The following ADAMTSL1 variants were observed in gnomAD, a reference collection of about 807,000 sequenced individuals.
The protein encoded by ADAMTSL1 is ADAMTS like 1, also known as ADAMTS-like protein 1.
In ADAMTSL1, 126 loss-of-function variants were observed where a neutral mutation model predicts 201.8. That is an observed-to-expected ratio of 0.62 (90% CI 0.54 to 0.72). The LOEUF (loss-of-function observed/expected upper bound fraction) is 0.72. Among genes scored for constraint, ADAMTSL1 ranks in the 30% least tolerant of loss-of-function variants. The pLI, the probability that ADAMTSL1 is intolerant of heterozygous loss-of-function variation, is 0.00. For missense variants in ADAMTSL1, 2,679 were observed against 2,277.8 expected, an observed-to-expected ratio of 1.18 and a Z score of -3.59; for synonymous variants, 1,121 against 903.4, an observed-to-expected ratio of 1.24 and a Z score of -4.32.
At chr9:17,973,623 C>G (rs199631007) in intron 1 of ADAMTSL1, among the ~76,000 whole-genome samples, 45,353 of 66,942 alleles carry the variant, frequency 0.68, 16,696 homozygotes, top group East Asian at 0.87. Flanking sequence ...TGTTCTTTTG[C>G]CTTAGGATTG....
intron 1 of ADAMTSL1, among the ~76,000 whole-genome samples, chr9:17,953,732 G>C (rs1215802892): frequency 6.6e-6 from 1 of 152,156 alleles, no homozygotes. Flanking sequence ...CATGGAAAAA[G>C]TCTGAAAGGT....
intron 1 of ADAMTSL1, among the ~76,000 whole-genome samples, chr9:17,955,033 T>G (rs1018503214): frequency 6.6e-6 from 1 of 152,120 alleles, no homozygotes; most frequent in Non-Finnish European, 1.5e-5. Context: ...TTAAAAATAA[T>G]GAAGAATGAG....
chr9:18,053,219 G>A (rs1435886129), intron 1 of ADAMTSL1, among the ~76,000 whole-genome samples: 1 of 152,096 alleles, frequency 6.6e-6, no homozygotes, highest in Non-Finnish European at 1.5e-5. Context: ...GACACTTGGG[G>A]TTAGCACTGC....
At chr9:18,097,229 T>C (rs983276718) in intron 1 of ADAMTSL1, among the ~76,000 whole-genome samples, 2 of 152,224 alleles carry the variant, frequency 1.3e-5, no homozygotes, top group Non-Finnish European at 2.9e-5. Flanking sequence ...AGGATAACAT[T>C]TTTGAATGTT....
At chr9:18,244,120 T>C (rs1442653158) in intron 2 of ADAMTSL1, among the ~76,000 whole-genome samples, 4 of 151,950 alleles carry the variant, frequency 2.6e-5, no homozygotes, top group African/African-American at 9.7e-5. Context: ...TACGTGTGTG[T>C]GTGTGTGTGG....
chr9:18,663,916 G>A (rs1478616396), intron 9 of ADAMTSL1, among the ~76,000 whole-genome samples: 1 of 152,074 alleles, frequency 6.6e-6, no homozygotes, highest in African/African-American at 2.4e-5. Context: ...CCATTCTGCA[G>A]TGAAAGAAGT....
chr9:18,862,766 G>A (rs865877177), intron 23 of ADAMTSL1, among the ~76,000 whole-genome samples: 3 of 152,104 alleles, frequency 2.0e-5, no homozygotes, highest in African/African-American at 4.8e-5. Context: ...CTGCAGCCAG[G>A]CCTCCCTAGG....
chr9:18,512,031 TA>T (rs1349869031), intron 2 of ADAMTSL1, among the ~76,000 whole-genome samples: 1 of 152,214 alleles, frequency 6.6e-6, no homozygotes, highest in African/African-American at 2.4e-5. Flanking sequence ...AATTTTTGTT[TA>T]AAAGAAAGAT....
intron 2 of ADAMTSL1, among the ~76,000 whole-genome samples, chr9:18,285,634 G>T (rs147813542): frequency 1.7e-4 from 26 of 151,596 alleles, no homozygotes; most frequent in African/African-American, 6.1e-4. Context: ...TTGTTGTGGC[G>T]GGGTGTTGAC....
At position 17,994,767 on chromosome 9, in the gene ADAMTSL1, G is replaced by A. The variant is rs541406544; in HGVS notation, c.87+87845G>A. 1.1e-3 allele frequency among the ~76,000 whole-genome samples: 163 copies of A among 152,208 alleles called. 1 individual carries two copies. The highest frequency in any genetic ancestry group is 3.8e-3 in the African/African-American group (156 of 41,542). Reference sequence around the variant, plus strand: ...TTTTCCATGTTCCTCTGAAGTCCAGGCACAGGCTCTTTTCTAGGTAGACAG... The same window carrying A: ...TTTTCCATGTTCCTCTGAAGTCCAGACACAGGCTCTTTTCTAGGTAGACAG... On this transcript the variant is annotated intron_variant, in intron 1 of 29. Coordinates refer to the ADAMTSL1 transcript ENST00000680146.
At chr9:18,669,814 C>G (rs1587849688) in intron 9 of ADAMTSL1, among the ~76,000 whole-genome samples, 1 of 152,152 alleles carries the variant, frequency 6.6e-6, no homozygotes, top group African/African-American at 2.4e-5. Context: ...CATCTTAAAA[C>G]TTCTGATCTC....
intron 6 of ADAMTSL1, among the ~76,000 whole-genome samples, chr9:18,636,514 G>A (rs1006651532): frequency 6.6e-6 from 1 of 152,078 alleles, no homozygotes; most frequent in African/African-American, 2.4e-5. Context: ...GTGTAATTAA[G>A]CATCCCATGT....
intron 1 of ADAMTSL1, among the ~76,000 whole-genome samples, chr9:17,959,377 C>A (rs1817632034): frequency 1.3e-5 from 2 of 152,166 alleles, no homozygotes; most frequent in Non-Finnish European, 2.9e-5. Flanking sequence ...TGATACCCTC[C>A]TTCCTCTACC....
chr9:18,136,808 C>A (rs1461238609), intron 1 of ADAMTSL1, among the ~76,000 whole-genome samples: 1 of 152,024 alleles, frequency 6.6e-6, no homozygotes, highest in Admixed American at 6.6e-5. Flanking sequence ...TGCTGGTAAC[C>A]AGCAACCATT....
intron 2 of ADAMTSL1, among the ~76,000 whole-genome samples, chr9:18,310,245 C>T (rs76190586): frequency 1.3e-5 from 2 of 151,570 alleles, no homozygotes; most frequent in Non-Finnish European, 2.9e-5. Context: ...TAGAAGAAAA[C>T]CTAGGCAATA....
intron 4 of ADAMTSL1, among the ~76,000 whole-genome samples, chr9:18,586,901 G>GA (rs1228405026): frequency 6.6e-6 from 1 of 152,162 alleles, no homozygotes; most frequent in East Asian, 1.9e-4. Flanking sequence ...ATATGCAGAA[G>GA]ACTGGAACTG....
At chr9:18,465,995 C>A (rs780039365) in intron 2 of ADAMTSL1, among the ~76,000 whole-genome samples, 1 of 152,144 alleles carries the variant, frequency 6.6e-6, no homozygotes, top group Non-Finnish European at 1.5e-5. Context: ...AGGTGATCTG[C>A]TCTCCTCAGC....
At chr9:18,838,544 A>T (rs1011089011) in intron 23 of ADAMTSL1, among the ~76,000 whole-genome samples, 4 of 152,100 alleles carry the variant, frequency 2.6e-5, no homozygotes, top group Non-Finnish European at 5.9e-5. Flanking sequence ...ATAAATAACT[A>T]GGCTGGGCAT....
intron 2 of ADAMTSL1, among the ~76,000 whole-genome samples, chr9:18,372,256 G>C (rs963303136): frequency 6.6e-6 from 1 of 152,152 alleles, no homozygotes; most frequent in African/African-American, 2.4e-5. Flanking sequence ...GTACCAGCAA[G>C]AAAATCAATA....
Sources: allele counts gnomAD v4.1 joint callset (sites outside exome capture counted in the v4.1 genomes callset), GRCh38; gene constraint gnomAD v4.1.1; transcripts MANE v1.5; gene names NCBI Gene and HGNC (gene_info 2026-07-23, HGNC 2026-07-21).